Variants in KIAA1549L observed in about 807,000 individuals in gnomAD.
KIAA1549L encodes KIAA1549 like.
In KIAA1549L, 88 loss-of-function variants were observed where a neutral mutation model predicts 160.7. The observed-to-expected ratio is 0.55, with a 90% CI of 0.46 to 0.65. The LOEUF (loss-of-function observed/expected upper bound fraction) is 0.65. KIAA1549L is among the 30% of genes least tolerant of loss of function. KIAA1549L has a pLI of 0.00. For synonymous variants in KIAA1549L, 950 were observed against 976.7 expected (o/e 0.97, Z 0.51); for missense variants, 2,258 against 2,437.5 (o/e 0.93, Z 1.55).
intron 8 of KIAA1549L, among the ~76,000 whole-genome samples, chr11:33,562,386 G>A (rs1372232479): frequency 6.6e-6 from 1 of 152,206 alleles, no homozygotes; most frequent in Non-Finnish European, 1.5e-5. Flanking sequence ...GGAACAGGAG[G>A]AGAAGTATAT....
rs554151580 is a variant in KIAA1549L, at chr11:33,464,518, G to A, written c.239-77284G>A. The stretch of plus-strand genomic sequence containing the variant: ...TGTGTGTGTGTGTGTGTGTGCGTGC[G>A]CGCATGCCCCCCCCCACACACGCAT... On this transcript the variant is annotated intron_variant, in intron 1 of 20. Coordinates refer to ENST00000658780, the MANE Select transcript of KIAA1549L (RefSeq NM_012194.3). Among the ~76,000 whole-genome samples, 53 of 132,296 alleles carry A rather than the reference G, an allele frequency of 4.0e-4. No individual in the cohort carries two copies. The Middle Eastern group carries it at 0.014, about 36-fold the overall frequency. 86.8% of individuals were successfully genotyped at this position (132,296 alleles called of 152,430 possible). A position where few individuals can be genotyped will look rare whatever the true frequency, so the allele number is the denominator to read the frequency against.
chr11:33,606,547 G>A (rs1037961900), intron 13 of KIAA1549L, 94 bp from the exon 14 acceptor site: 1 of 1,263,032 alleles, frequency 7.9e-7, no homozygotes, highest in African/African-American at 1.5e-5. Context: ...TTTGAGTAAA[G>A]TAATGTCCTT....
At chr11:33,377,840 T>C (rs1849987945) in intron 1 of KIAA1549L, among the ~76,000 whole-genome samples, 1 of 152,206 alleles carries the variant, frequency 6.6e-6, no homozygotes, top group Admixed American at 6.5e-5. Flanking sequence ...GGGGCTGACA[T>C]TGTTTTAGAT....
intron 13 of KIAA1549L, among the ~76,000 whole-genome samples, chr11:33,599,997 A>T (rs923361253): frequency 1.8e-4 from 27 of 149,478 alleles, no homozygotes; most frequent in African/African-American, 5.2e-4. Flanking sequence ...TATCACTTTT[A>T]TTTTTTTTTT....
chr11:33,586,125 A>G (rs1325813482), intron 11 of KIAA1549L, among the ~76,000 whole-genome samples: 1 of 152,234 alleles, frequency 6.6e-6, no homozygotes, highest in East Asian at 1.9e-4. Context: ...ACAGAATTCA[A>G]TTATTGTCAA....
chr11:33,575,207 T>A (rs1160425144), intron 10 of KIAA1549L, among the ~76,000 whole-genome samples: 1 of 152,222 alleles, frequency 6.6e-6, no homozygotes, highest in African/African-American at 2.4e-5. Flanking sequence ...AACAAACATT[T>A]GTAAAGTTCT....
At chr11:33,533,931 C>T (rs1195970959) in intron 1 of KIAA1549L, among the ~76,000 whole-genome samples, 2 of 152,146 alleles carry the variant, frequency 1.3e-5, no homozygotes, top group Non-Finnish European at 2.9e-5. Flanking sequence ...CGACTAATTC[C>T]CCCTTGTGGG....
At position 33,521,010 on chromosome 11, in the gene KIAA1549L, G is replaced by A. The variant is rs569949166; in HGVS notation, c.239-20792G>A. On this transcript the variant is annotated intron_variant, in intron 1 of 20. Transcript: ENST00000658780. ...AGACCCAATATCTACAAAAAAAAAAGTACAAAATTCACTGGGCATGGTGGC... is the reference window on the plus strand; with the variant it reads ...AGACCCAATATCTACAAAAAAAAAAATACAAAATTCACTGGGCATGGTGGC... Among the ~76,000 whole-genome samples the A allele has an allele frequency of 4.6e-5, 7 of 151,818 alleles. No homozygotes were observed. In the South Asian group the frequency reaches 1.5e-3, roughly 32 times the overall value.
intron 1 of KIAA1549L, among the ~76,000 whole-genome samples, chr11:33,512,492 G>A (rs899092560): frequency 3.3e-5 from 5 of 152,086 alleles, no homozygotes; most frequent in Non-Finnish European, 5.9e-5. Context: ...GTGCAATCTC[G>A]GCTCACAGGA....
rs1855172645 is a variant in KIAA1549L at position 33,569,574 on chromosome 11, T to C, written c.4230+1347T>C. On this transcript the variant is annotated intron_variant, in intron 9 of 20. Transcript: ENST00000658780. ...GTGCAAATCCTGTCTCCAGGCAATC[T>C]TGAAAGTATAGACAACCCATCTTAA... 2.0e-5 allele frequency among the ~76,000 whole-genome samples: 3 copies of C among 152,216 alleles called. No homozygotes were observed. In the South Asian group the frequency reaches 6.2e-4, roughly 31 times the overall value.
rs112165825 is a variant in KIAA1549L, at chr11:33,487,402, C to CTT, written c.239-54379_239-54378dup. Reference sequence around the variant, plus strand: ...GAGGCAGGGACCATGGTCTATTGTTCTTTTTTTTTTTTTTTTTTTTTTGGT... The same window carrying CTT: ...GAGGCAGGGACCATGGTCTATTGTTCTTTTTTTTTTTTTTTTTTTTTTTTGGT... On this transcript the variant is annotated intron_variant, in intron 1 of 20. Transcript: ENST00000658780. Among the ~76,000 whole-genome samples the CTT allele has an allele frequency of 8.1e-4, 69 of 85,504 alleles. 1 individual carries two copies. The highest frequency in any genetic ancestry group is 2.0e-3 in the East Asian group (6 of 2,948). The allele number at this position is 85,504 out of a possible 152,430, so 56.1% of individuals were successfully genotyped here. A position where few individuals can be genotyped will look rare whatever the true frequency, so the allele number is the denominator to read the frequency against.
chr11:33,608,141 C>T (rs1850556965), intron 14 of KIAA1549L, among the ~76,000 whole-genome samples: 1 of 152,194 alleles, frequency 6.6e-6, no homozygotes, highest in Non-Finnish European at 1.5e-5. Context: ...GGGGTTTGAG[C>T]CTCAGATCTT....
intron 1 of KIAA1549L, among the ~76,000 whole-genome samples, chr11:33,381,933 G>C (rs1161960176): frequency 6.6e-6 from 1 of 152,208 alleles, no homozygotes; most frequent in Admixed American, 6.5e-5. Flanking sequence ...CATTAATTGA[G>C]ACAGCAGTTC....
At chr11:33,424,402 A>C (rs1255535098) in intron 1 of KIAA1549L, among the ~76,000 whole-genome samples, 1 of 152,242 alleles carries the variant, frequency 6.6e-6, no homozygotes, top group Non-Finnish European at 1.5e-5. Flanking sequence ...ATGGGAAACC[A>C]TTATACATCC....
intron 1 of KIAA1549L, among the ~76,000 whole-genome samples, chr11:33,489,916 A>G (rs139233260): frequency 2.0e-4 from 30 of 152,360 alleles, no homozygotes; most frequent in African/African-American, 5.0e-4. Flanking sequence ...GAGGCACTCA[A>G]TGATCTAGAA....
chr11:33,580,258 G>A (rs1171805434), intron 10 of KIAA1549L, among the ~76,000 whole-genome samples: 1 of 152,160 alleles, frequency 6.6e-6, no homozygotes, highest in East Asian at 1.9e-4. Flanking sequence ...TGCTTTACAT[G>A]GCCACCAGAC....
chr11:33,392,630 C>T (rs57702339), intron 1 of KIAA1549L, among the ~76,000 whole-genome samples: 17,586 of 152,202 alleles, frequency 0.12, 1,752 homozygotes, highest in African/African-American at 0.27. Context: ...ATTCCCATCT[C>T]TTCTCACTCG....
intron 1 of KIAA1549L, among the ~76,000 whole-genome samples, chr11:33,504,569 G>A (rs1413579603): frequency 6.6e-6 from 1 of 151,962 alleles, no homozygotes; most frequent in African/African-American, 2.4e-5. Flanking sequence ...CCAGGCTTAA[G>A]CGATTCTCAT....
chr11:33,443,637 A>G (rs1851553265), intron 1 of KIAA1549L, among the ~76,000 whole-genome samples: 1 of 152,108 alleles, frequency 6.6e-6, no homozygotes, highest in South Asian at 2.1e-4. Context: ...TAATAGCCAG[A>G]TAGTTTTCTC....
Sources: allele counts gnomAD v4.1 joint callset (sites outside exome capture counted in the v4.1 genomes callset), GRCh38; gene constraint gnomAD v4.1.1; transcripts MANE v1.5; gene names NCBI Gene and HGNC (gene_info 2026-07-23, HGNC 2026-07-21).